MPP2: variants seen among roughly 807,000 people sequenced by gnomAD.
MPP2 encodes MAGUK p55 subfamily member 2.
Under a neutral mutation model 58.5 loss-of-function variants are expected in MPP2, and 42 were observed. The observed-to-expected ratio is 0.72, with a 90% confidence interval of 0.56 to 0.93. The LOEUF (loss-of-function observed/expected upper bound fraction) is 0.93, where lower values mean the gene tolerates loss of function less well. Among genes scored for constraint, MPP2 ranks in the 40% least tolerant of loss-of-function variants. The pLI is 0.00. For missense variants in MPP2, 632 were observed against 760.4 expected, an observed-to-expected ratio of 0.83 and a Z score of 1.99; for synonymous variants, 300 against 307.8, an observed-to-expected ratio of 0.97 and a Z score of 0.26.
intron 6 of MPP2, 127 bp from the exon 7 acceptor site, chr17:43,881,716 T>C (rs2047132996): frequency 1.6e-6 from 2 of 1,255,308 alleles, no homozygotes; most frequent in Non-Finnish European, 2.2e-6. Context: ...GCAGGAGTGA[T>C]GCCTCCAGGC....
intron 3 of MPP2, among the ~76,000 whole-genome samples, chr17:43,884,853 C>T (rs1183459386): frequency 6.6e-6 from 1 of 152,188 alleles, no homozygotes; most frequent in Non-Finnish European, 1.5e-5. Context: ...GGCACAGTGG[C>T]TCACGCCTGT....
chr17:43,897,809 T>G (rs1225030245), intron 3 of MPP2, among the ~76,000 whole-genome samples: 4 of 152,214 alleles, frequency 2.6e-5, no homozygotes, highest in Admixed American at 1.3e-4. Flanking sequence ...CTGTCCTTTA[T>G]GCTCCCAAAA....
At chr17:43,898,080 G>GC in intron 3 of MPP2, 182 bp downstream of exon 3, 1 of 604,436 alleles carries the variant, frequency 1.7e-6, no homozygotes, top group African/African-American at 1.8e-5. Flanking sequence ...TGTGGGGGCA[G>GC]CCCCCTCTAC....
In MPP2 at chr17:43,880,911, C is replaced by T; in HGVS notation, c.989-59G>A. ...TGCACGGTGAGGGAGGGGCGGAGCT[C>T]TCAGGGAGGCTGAGGGCAAGAGGGC... On this transcript the variant is annotated intron_variant, in intron 9 of 12. Coordinates refer to ENST00000269095, the MANE Select transcript of MPP2 (RefSeq NM_005374.5). This position sits in a 1 kb window ranked among gnomAD's most constrained non-coding sequence, Gnocchi z 5.2. The T allele has an allele frequency of 1.3e-6, 2 of 1,563,524 alleles. No individual in the cohort carries two copies. The highest frequency in any genetic ancestry group is 1.7e-6 in the Non-Finnish European group (2 of 1,152,556).
chr17:43,900,528 C>A, intron 2 of MPP2: 7 of 1,547,764 alleles, frequency 4.5e-6, no homozygotes, highest in Non-Finnish European at 6.1e-6. Context: ...TCCAAGGAGA[C>A]CCCGCTGCCT....
At chr17:43,898,003 C>T (rs1217179477) in intron 3 of MPP2, among the ~76,000 whole-genome samples, 1 of 152,194 alleles carries the variant, frequency 6.6e-6, no homozygotes, top group Admixed American at 6.5e-5. Context: ...GCATGCTAGC[C>T]CGCACCAATC....
At chr17:43,908,222 A>C (rs1351130967), upstream of MPP2, among the ~76,000 whole-genome samples, 1 of 152,222 alleles carries the variant, frequency 6.6e-6, no homozygotes, top group African/African-American at 2.4e-5. Flanking sequence ...GGTTAAACCC[A>C]CTGGCCCGCC....
chr17:43,898,039 C>A (rs1174052505), intron 3 of MPP2, among the ~76,000 whole-genome samples: 2 of 152,238 alleles, frequency 1.3e-5, no homozygotes, highest in African/African-American at 2.4e-5. Flanking sequence ...TGGCAGTCAA[C>A]AAACATCCAC....
chr17:43,904,507 AGAG>A lies in MPP2; in HGVS notation c.-33-17_-33-15del. On this transcript the variant is annotated splice_polypyrimidine_tract_variant and intron_variant, in intron 1 of 12. Coordinates refer to ENST00000269095, the MANE Select transcript of MPP2 (RefSeq NM_005374.5). Reference sequence around the variant, plus strand: ...GAAACGTCTCTCCTGGAGAGGGGAGAGAGGAGGATGAGCAGATACAAGGGCAAA... The same window carrying A: ...GAAACGTCTCTCCTGGAGAGGGGAGAGAGGATGAGCAGATACAAGGGCAAA... The A allele has an allele frequency of 6.2e-7, 1 of 1,612,802 alleles. No homozygotes were observed. Among genetic ancestry groups the A allele is most frequent in the Non-Finnish European group, 8.5e-7 (1 of 1,179,058 alleles).
Position 43,879,704 on chromosome 17 carries a change from T to A in MPP2, c.1353+78A>T. On this transcript the variant is annotated intron_variant, in intron 11 of 12. Transcript: ENST00000269095. The surrounding 1 kb of genome is among the most constrained non-coding windows in gnomAD (Gnocchi z 4.1). ...TACATGGGCGTGTTCAGGTGACAGG[T>A]GTCTGGAACTATATGGGGGAGCAAT... 1 of 1,503,492 alleles carries A rather than the reference T, an allele frequency of 6.7e-7. No individual in the cohort carries two copies. Among genetic ancestry groups the A allele is most frequent in the Non-Finnish European group, 9.1e-7 (1 of 1,097,510 alleles). 93.1% of individuals were successfully genotyped at this position (1,503,492 alleles called of 1,614,324 possible).
intron 3 of MPP2, among the ~76,000 whole-genome samples, chr17:43,889,868 A>G (rs1440040748): frequency 1.4e-5 from 2 of 140,386 alleles, no homozygotes; most frequent in East Asian, 4.1e-4. Flanking sequence ...GCTGGAGTGC[A>G]GTGGCGCAAT....
chr17:43,900,957 A>C (rs1276882903), intron 2 of MPP2, among the ~76,000 whole-genome samples: 1 of 151,644 alleles, frequency 6.6e-6, no homozygotes, highest in Non-Finnish European at 1.5e-5. Flanking sequence ...CCCGAGGGAG[A>C]AAAGTCTTGG....
At chr17:43,903,994 T>C (rs920632951) in intron 2 of MPP2, among the ~76,000 whole-genome samples, 2 of 152,208 alleles carry the variant, frequency 1.3e-5, no homozygotes, top group African/African-American at 4.8e-5. Context: ...CTCTGGCACA[T>C]GCTGGCCTAG....
intron 3 of MPP2, among the ~76,000 whole-genome samples, chr17:43,897,575 C>T (rs2047901094): frequency 6.6e-6 from 1 of 152,208 alleles, no homozygotes; most frequent in Non-Finnish European, 1.5e-5. Context: ...GCCCTCCAGA[C>T]CTGCCAACCT....
chr17:43,894,978 A>G (rs1408423392), intron 3 of MPP2, among the ~76,000 whole-genome samples: 1 of 152,192 alleles, frequency 6.6e-6, no homozygotes, highest in Non-Finnish European at 1.5e-5. Flanking sequence ...GTTTACAGCT[A>G]AACACATATG....
At chr17:43,878,997 ACT>A (rs2046975784) in intron 12 of MPP2, among the ~76,000 whole-genome samples, 1 of 151,914 alleles carries the variant, frequency 6.6e-6, no homozygotes, top group African/African-American at 2.4e-5. Context: ...TCTGGCCAGC[ACT>A]CTGTCTCTGC....
At chr17:43,896,503 C>T (rs2047853674) in intron 3 of MPP2, among the ~76,000 whole-genome samples, 2 of 145,150 alleles carry the variant, frequency 1.4e-5, no homozygotes, top group South Asian at 2.2e-4. Flanking sequence ...AGAGAGCCAC[C>T]GAGCCTTCAC....
intron 12 of MPP2, 32 bp from the exon 13 acceptor site, chr17:43,878,015 C>T (rs985479032): frequency 6.3e-7 from 1 of 1,592,454 alleles, no homozygotes; most frequent in Non-Finnish European, 8.6e-7. Flanking sequence ...TCCCTACAGT[C>T]AGTGCCCACA....
intron 3 of MPP2, among the ~76,000 whole-genome samples, chr17:43,888,218 G>A (rs1411669679): frequency 6.6e-6 from 1 of 152,128 alleles, no homozygotes; most frequent in Non-Finnish European, 1.5e-5. Flanking sequence ...AACAGGCCAG[G>A]GAACAGCACC....
Sources: allele counts gnomAD v4.1 joint callset (sites outside exome capture counted in the v4.1 genomes callset), GRCh38; gene constraint gnomAD v4.1.1; non-coding constraint Gnocchi (gnomAD v3.1); transcripts MANE v1.5; gene names NCBI Gene and HGNC (gene_info 2026-07-23, HGNC 2026-07-21).